MERTK: variants seen among roughly 807,000 people sequenced by gnomAD.
MERTK encodes tyrosine-protein kinase Mer.
MERTK carries 69 observed loss-of-function variants against 99.3 expected under a neutral mutation model. That is an observed-to-expected ratio of 0.70 (90% CI 0.57 to 0.85). The LOEUF (loss-of-function observed/expected upper bound fraction) is 0.85, where lower values mean the gene tolerates loss of function less well. Ranked by LOEUF, MERTK falls within the 40% of genes least tolerant of loss-of-function variation. The pLI, the probability that MERTK is intolerant of heterozygous loss-of-function variation, is 0.00. For synonymous variants in MERTK, 426 were observed against 467.6 expected, an observed-to-expected ratio of 0.91 and a Z score of 1.15; for missense variants, 1,125 against 1,249.4, an observed-to-expected ratio of 0.90 and a Z score of 1.50.
intron 2 of MERTK, among the ~76,000 whole-genome samples, chr2:111,935,505 G>T (rs1230509052): frequency 6.6e-6 from 1 of 152,142 alleles, no homozygotes; most frequent in Non-Finnish European, 1.5e-5. Flanking sequence ...GAAACTTGGG[G>T]AAGAAAGATG....
At chr2:111,938,475 A>G (rs1173334234) in intron 2 of MERTK, among the ~76,000 whole-genome samples, 1 of 152,204 alleles carries the variant, frequency 6.6e-6, no homozygotes, top group Non-Finnish European at 1.5e-5. Flanking sequence ...CATAACTGCT[A>G]CTTCCAAGTC....
intron 5 of MERTK, among the ~76,000 whole-genome samples, chr2:111,966,070 T>A (rs923677890): frequency 3.9e-5 from 6 of 152,246 alleles, no homozygotes; most frequent in African/African-American, 1.4e-4. Context: ...TCATTTTAAA[T>A]CATCCTCCTT....
chr2:111,970,063 G>C (rs1475308752), intron 6 of MERTK, among the ~76,000 whole-genome samples: 1 of 151,740 alleles, frequency 6.6e-6, no homozygotes, highest in Non-Finnish European at 1.5e-5. Flanking sequence ...ACTGGTAAGT[G>C]TTAGGAATTC....
At position 112,009,948 on chromosome 2, in the gene MERTK, G is replaced by T; in HGVS notation, c.1961G>T (p.Gly654Val). 6.2e-7 allele frequency: 1 copy of T among 1,600,244 alleles called. No individual in the cohort carries two copies. Among genetic ancestry groups the T allele is most frequent in the Middle Eastern group, 1.7e-4 (1 of 6,038 alleles). ...ATTGATGCTGTGTTTGTAATTTCAG[G>T]TGTGTGTATAGAAATGAGCTCTCAA... is the stretch of plus-strand genomic sequence containing the variant. ...FSHPNVIRLL[G>V]VCIEMSSQGI... Residue 654 changes from glycine (G) to valine (V), a missense_variant and splice_region_variant, in exon 15 of 19, where the codon GGT (glycine) becomes GTT (valine). Gly to Val is a moderately radical substitution (Grantham distance 109, BLOSUM62 -3). Coordinates refer to ENST00000295408, the MANE Select transcript of MERTK (RefSeq NM_006343.3).
intron 1 of MERTK, among the ~76,000 whole-genome samples, chr2:111,910,591 A>AGTGTGT (rs139430156): frequency 0.032 from 4,524 of 141,104 alleles, 236 homozygotes; most frequent in African/African-American, 0.11. Flanking sequence ...TTAAAAAAAA[A>AGTGTGT]GTGTGTGTGT....
Position 112,014,047 on chromosome 2 carries a change from A to T in MERTK, c.2079+3981A>T, listed in dbSNP as rs547534071. ...TTTTTTTTTTTTTTTTTTGAGACAG[A>T]GTCTCGCTCTGTCGCCCAGGCTGGA... On this transcript the variant is annotated intron_variant, in intron 15 of 18. Transcript: ENST00000295408. Among the ~76,000 whole-genome samples, 23 of 138,530 alleles carry T rather than the reference A, an allele frequency of 1.7e-4. No homozygotes were observed. In the East Asian group the frequency reaches 4.2e-3, roughly 25 times the overall value. The allele number at this position is 138,530 out of a possible 152,430, so 90.9% of individuals were successfully genotyped here.
At chr2:111,963,904 T>C (rs1007279480) in intron 4 of MERTK, among the ~76,000 whole-genome samples, 1 of 152,086 alleles carries the variant, frequency 6.6e-6, no homozygotes, top group East Asian at 1.9e-4. Flanking sequence ...TGGGGTTTTT[T>C]TGTTCTCGGG....
chr2:111,972,187 C>T (rs184883774), intron 6 of MERTK, among the ~76,000 whole-genome samples: 1 of 152,176 alleles, frequency 6.6e-6, no homozygotes, highest in African/African-American at 2.4e-5. Context: ...CCTGCCACTG[C>T]GCCTGGCTCA....
chr2:111,965,457 T>G lies in MERTK; in HGVS notation c.844+180T>G, dbSNP rs1327382290. Among the ~76,000 whole-genome samples the G allele has an allele frequency of 3.9e-5, 6 of 152,342 alleles. No individual in the cohort carries two copies. The East Asian group carries it at 9.6e-4, about 24-fold the overall frequency. On this transcript the variant is annotated intron_variant, in intron 5 of 18. Coordinates refer to ENST00000295408, the MANE Select transcript of MERTK (RefSeq NM_006343.3). ...AGGGTTCCCCTCTGAAAAGTGGAGA[T>G]AATTACAGAACCTACCTATTGTTGA...
chr2:111,901,935 A>C (rs1967530), intron 1 of MERTK, among the ~76,000 whole-genome samples: 1 of 152,016 alleles, frequency 6.6e-6, no homozygotes, highest in Non-Finnish European at 1.5e-5. Flanking sequence ...TCCAGGCTAG[A>C]GTGCAATGGC....
At chr2:111,996,900 TTTTTTTAC>T (rs1445489492) in intron 9 of MERTK, 1 of 253,440 alleles carries the variant, frequency 3.9e-6, no homozygotes, top group Non-Finnish European at 7.8e-6. Context: ...CTCTCGATCG[TTTTTTTAC>T]AAAGAAATGA....
At chr2:111,991,917 G>A (rs902811751) in intron 8 of MERTK, among the ~76,000 whole-genome samples, 5 of 152,102 alleles carry the variant, frequency 3.3e-5, no homozygotes, top group Admixed American at 1.3e-4. Context: ...GAGCTTTAAC[G>A]GTGAAAGACG....
chr2:112,022,582 G>T (rs774787687), intron 18 of MERTK, 188 bp downstream of exon 18: 3 of 895,140 alleles, frequency 3.4e-6, no homozygotes, highest in Admixed American at 3.4e-5. Flanking sequence ...ATAGTGTGTG[G>T]TATCTCCAGT....
At chr2:111,987,233 T>G (rs1676497695) in intron 8 of MERTK, among the ~76,000 whole-genome samples, 1 of 152,218 alleles carries the variant, frequency 6.6e-6, no homozygotes, top group East Asian at 1.9e-4. Context: ...CGTTTTTCCT[T>G]GGCTTATCGC....
chr2:112,009,482 T>C (rs941872491), intron 14 of MERTK, among the ~76,000 whole-genome samples: 1 of 152,246 alleles, frequency 6.6e-6, no homozygotes, highest in Non-Finnish European at 1.5e-5. Context: ...GCATTTGCAG[T>C]GGACTTCTTC....
intron 2 of MERTK, among the ~76,000 whole-genome samples, chr2:111,933,792 A>G (rs1411105203): frequency 6.6e-6 from 1 of 152,056 alleles, no homozygotes; most frequent in Non-Finnish European, 1.5e-5. Context: ...ACATAGGTAT[A>G]CACGTGCCAT....
chr2:111,929,987 C>G (rs1484757091), intron 2 of MERTK, among the ~76,000 whole-genome samples: 1 of 152,162 alleles, frequency 6.6e-6, no homozygotes, highest in Non-Finnish European at 1.5e-5. Flanking sequence ...CCACTGGTCC[C>G]TTTAGAGAGT....
chr2:111,917,656 G>A lies in MERTK; in HGVS notation c.62-11464G>A, dbSNP rs1684377699. 3.3e-5 allele frequency among the ~76,000 whole-genome samples: 5 copies of A among 152,104 alleles called. No individual in the cohort carries two copies. In the South Asian group the frequency reaches 1.0e-3, roughly 32 times the overall value. ...AATCCCAGCACTTTGGGAGGCCGAG[G>A]TGGGCGGATCACAAGGTCAAGAGAT... On this transcript the variant is annotated intron_variant, in intron 1 of 18. Coordinates refer to ENST00000295408, the MANE Select transcript of MERTK (RefSeq NM_006343.3).
At chr2:111,931,743 C>T (rs1486852949) in intron 2 of MERTK, among the ~76,000 whole-genome samples, 3 of 151,788 alleles carry the variant, frequency 2.0e-5, no homozygotes, top group African/African-American at 7.3e-5. Flanking sequence ...TCAAGAACAG[C>T]AAGCTGGCAC....
Sources: gnomAD v4.1 joint callset for allele counts (sites outside exome capture counted in the v4.1 genomes callset) on GRCh38, gnomAD v4.1.1 for gene constraint, MANE v1.5 for transcripts, NCBI Gene and HGNC (gene_info 2026-07-23, HGNC 2026-07-21) for gene names.